The following LRMDA variants were observed in gnomAD, a reference collection of about 807,000 sequenced individuals.
LRMDA encodes the protein leucine-rich melanocyte differentiation-associated protein.
LRMDA carries 18 observed loss-of-function variants against 29.8 expected under a neutral mutation model. The observed-to-expected ratio is 0.60, with a 90% CI of 0.42 to 0.90. The LOEUF (loss-of-function observed/expected upper bound fraction) is 0.90, where lower values mean the gene tolerates loss of function less well. Among genes scored for constraint, LRMDA ranks in the 40% least tolerant of loss-of-function variants. The pLI is 0.00. For synonymous variants in LRMDA, 125 were observed against 109.4 expected (o/e 1.14, Z -0.89); for missense variants, 273 against 273.9 (o/e 1.00, Z 0.02).
rs1320461679 is a variant in LRMDA at position 76,177,407 on chromosome 10, A to AC, written c.516+118624_516+118625insC. On this transcript the variant is annotated intron_variant, in intron 5 of 6. Coordinates refer to ENST00000611255, the MANE Select transcript of LRMDA (RefSeq NM_001305581.2). ...TTGAGTTGGTTAAAAAAGACAAAAA[A>AC]AAAACAACAAAAAAACCTCTTCATT... 4.8e-5 allele frequency among the ~76,000 whole-genome samples: 7 copies of AC among 145,314 alleles called. No individual in the cohort carries two copies. In the South Asian group the frequency reaches 7.1e-4, roughly 15 times the overall value.
At chr10:75,737,056 C>T (rs563831412) in intron 2 of LRMDA, among the ~76,000 whole-genome samples, 169 of 151,776 alleles carry the variant, frequency 1.1e-3, no homozygotes, top group African/African-American at 3.5e-3. Context: ...CATGCACGCA[C>T]GCACGCACAC....
chr10:76,149,577 G>A (rs1438177062), intron 5 of LRMDA, among the ~76,000 whole-genome samples: 1 of 152,144 alleles, frequency 6.6e-6, no homozygotes, highest in Non-Finnish European at 1.5e-5. Flanking sequence ...CAATACCTAA[G>A]TAATGTAGGC....
intron 2 of LRMDA, among the ~76,000 whole-genome samples, chr10:75,622,381 T>G (rs1007159990): frequency 5.3e-5 from 8 of 152,192 alleles, no homozygotes; most frequent in Non-Finnish European, 1.0e-4. Context: ...ATGGTGTGTG[T>G]GTGTGTAATT....
intron 3 of LRMDA, among the ~76,000 whole-genome samples, chr10:76,045,949 C>T (rs1189065879): frequency 6.6e-6 from 1 of 152,208 alleles, no homozygotes; most frequent in Non-Finnish European, 1.5e-5. Context: ...ATAACATCCT[C>T]ACAGAGCAAG....
chr10:75,673,305 A>G (rs1271899198), intron 2 of LRMDA, among the ~76,000 whole-genome samples: 1 of 152,242 alleles, frequency 6.6e-6, no homozygotes, highest in Admixed American at 6.5e-5. Flanking sequence ...AAAACTGCAT[A>G]GGTCTAGCTG....
chr10:75,652,699 G>A (rs765294458), intron 2 of LRMDA, among the ~76,000 whole-genome samples: 1 of 152,116 alleles, frequency 6.6e-6, no homozygotes, highest in Non-Finnish European at 1.5e-5. Flanking sequence ...TGCCATATCT[G>A]GGTCTATCAG....
At chr10:75,469,375 A>T (rs759949857) in intron 2 of LRMDA, among the ~76,000 whole-genome samples, 1 of 152,000 alleles carries the variant, frequency 6.6e-6, no homozygotes, top group Non-Finnish European at 1.5e-5. Flanking sequence ...GCAACCAAAG[A>T]CATTGGCAGC....
At chr10:75,773,711 G>C (rs1190350645) in intron 2 of LRMDA, among the ~76,000 whole-genome samples, 1 of 152,160 alleles carries the variant, frequency 6.6e-6, no homozygotes, top group Non-Finnish European at 1.5e-5. Flanking sequence ...CTCCCCTCTT[G>C]TCAGTTCCCT....
chr10:76,464,051 C>A (rs567508874), intron 6 of LRMDA, among the ~76,000 whole-genome samples: 1 of 151,364 alleles, frequency 6.6e-6, no homozygotes, highest in Admixed American at 6.6e-5. Flanking sequence ...TCCTGAGTAG[C>A]TGGGATTACA....
intron 2 of LRMDA, among the ~76,000 whole-genome samples, chr10:75,620,399 G>T (rs1165106916): frequency 6.6e-6 from 1 of 152,168 alleles, no homozygotes; most frequent in Non-Finnish European, 1.5e-5. Flanking sequence ...ATAGGTCTCA[G>T]GTTTAGGAGC....
chr10:75,522,106 C>G (rs11818974), intron 2 of LRMDA, among the ~76,000 whole-genome samples: 2 of 152,178 alleles, frequency 1.3e-5, no homozygotes, highest in Non-Finnish European at 2.9e-5. Context: ...ATTGCTAATC[C>G]GTGTACAGCA....
At chr10:76,321,630 TC>T (rs1348548766) in intron 5 of LRMDA, among the ~76,000 whole-genome samples, 1 of 152,146 alleles carries the variant, frequency 6.6e-6, no homozygotes, top group Non-Finnish European at 1.5e-5. Context: ...AAACTATAAT[TC>T]CTTGCCATAG....
intron 6 of LRMDA, among the ~76,000 whole-genome samples, chr10:76,519,691 C>T (rs769966858): frequency 9.2e-5 from 14 of 152,048 alleles, no homozygotes; most frequent in Non-Finnish European, 1.8e-4. Context: ...ACAAACATTA[C>T]GTACTACCAT....
chr10:75,768,568 G>A (rs1335849309), intron 2 of LRMDA, among the ~76,000 whole-genome samples: 1 of 152,118 alleles, frequency 6.6e-6, no homozygotes, highest in East Asian at 1.9e-4. Context: ...ACCATTTTCC[G>A]AGTCTCCAGG....
chr10:75,463,455 T>A (rs1844612478), intron 2 of LRMDA, among the ~76,000 whole-genome samples: 1 of 151,290 alleles, frequency 6.6e-6, no homozygotes, highest in African/African-American at 2.4e-5. Flanking sequence ...GAGAGGAGTC[T>A]TTGGATGCTC....
chr10:75,816,274 A>G (rs1343774153), intron 2 of LRMDA, among the ~76,000 whole-genome samples: 1 of 152,184 alleles, frequency 6.6e-6, no homozygotes, highest in Non-Finnish European at 1.5e-5. Context: ...GAGTGCATGA[A>G]GCGTCAGAGA....
intron 2 of LRMDA, among the ~76,000 whole-genome samples, chr10:75,712,435 G>A (rs1435556181): frequency 3.3e-5 from 5 of 151,484 alleles, no homozygotes; most frequent in African/African-American, 2.4e-5. Flanking sequence ...CAGCGGGCGG[G>A]TGGGGGCGGT....
At chr10:76,187,193 G>A (rs868340351) in intron 5 of LRMDA, among the ~76,000 whole-genome samples, 2 of 152,126 alleles carry the variant, frequency 1.3e-5, no homozygotes, top group African/African-American at 2.4e-5. Flanking sequence ...CACAGAGACT[G>A]TAAATGTGTA....
intron 2 of LRMDA, among the ~76,000 whole-genome samples, chr10:75,663,310 C>G (rs897555219): frequency 6.6e-6 from 1 of 152,140 alleles, no homozygotes; most frequent in East Asian, 1.9e-4. Flanking sequence ...GAAGACTGGC[C>G]TGTGAGACTT....
Sources: gnomAD v4.1 joint callset for allele counts (sites outside exome capture counted in the v4.1 genomes callset) on GRCh38, gnomAD v4.1.1 for gene constraint, MANE v1.5 for transcripts, NCBI Gene and HGNC (gene_info 2026-07-23, HGNC 2026-07-21) for gene names.